Variants in ZSWIM8 observed in about 807,000 individuals in gnomAD.
The protein encoded by ZSWIM8 is zinc finger SWIM domain-containing protein 8.
ZSWIM8 carries 27 observed loss-of-function variants against 173.7 expected under a neutral mutation model. The observed-to-expected ratio is 0.16, with a 90% CI of 0.11 to 0.21. The LOEUF is 0.21. Among genes scored for constraint, ZSWIM8 ranks in the 10% least tolerant of loss-of-function variants. ZSWIM8 has a pLI of 1.00. For synonymous variants in ZSWIM8, 958 were observed against 962.0 expected (o/e 1.00, Z 0.08); for missense variants, 1,627 against 2,428.8 (o/e 0.67, Z 6.94).
rs767856815 is a variant in ZSWIM8 at position 73,797,255 on chromosome 10, TAAG to T, written c.3424_3426del (p.Lys1142del). 3.2e-5 allele frequency: 51 copies of T among 1,613,788 alleles called. No individual in the cohort carries two copies. Among genetic ancestry groups the T allele is most frequent in the Non-Finnish European group, 4.2e-5 (49 of 1,179,860 alleles). ...GGGGATGGGGGTCCCCAGGACGGCC[TAAG>T]AAGAAGCACACAGGTAGGATAGCCT... On this transcript the variant is annotated inframe_deletion, in exon 17 of 26. Coordinates refer to ENST00000604729, the MANE Select transcript of ZSWIM8 (RefSeq NM_001367799.1). This position sits in a 1 kb window ranked among gnomAD's most constrained non-coding sequence, Gnocchi z 5.6.
Position 73,791,994 on chromosome 10 carries a change from C to T in ZSWIM8, c.1455C>T (p.Asn485=). ...FRPAVEACYF[N]WEEAYPLPGV... ...CAGCGGTGGAGGCCTGCTACTTCAA[C>T]TGGGAAGAGGCCTACCCACTTCCTG... Residue 485 remains asparagine (N), a synonymous_variant, in exon 10 of 26, where the codon AAC becomes AAT. Transcript: ENST00000604729. This position sits in a 1 kb window ranked among gnomAD's most constrained non-coding sequence, Gnocchi z 6.0. 1 of 1,551,128 alleles carries T rather than the reference C, an allele frequency of 6.4e-7. No individual in the cohort carries two copies. Among genetic ancestry groups the T allele is most frequent in the Non-Finnish European group, 8.7e-7 (1 of 1,146,838 alleles).
chr10:73,795,890 T>TA (rs2083619878), intron 15 of ZSWIM8, among the ~76,000 whole-genome samples: 1 of 128,740 alleles, frequency 7.8e-6, no homozygotes, highest in Non-Finnish European at 1.6e-5. Context: ...TTGAACCCAG[T>TA]AGGCAGAGGT....
chr10:73,785,829 C>T lies in ZSWIM8; in HGVS notation c.-50C>T. ...TCCCCTCAACCCCCGGCCGGCGGCC[C>T]AGGCCCCGGATCCGCGGGGGGGGAC... is the stretch of plus-strand genomic sequence containing the variant. On this transcript the variant is annotated 5_prime_UTR_variant, in exon 1 of 26. Transcript: ENST00000604729. The T allele has an allele frequency of 6.8e-7, 1 of 1,462,504 alleles. No individual in the cohort carries two copies. The highest frequency in any genetic ancestry group is 9.0e-7 in the Non-Finnish European group (1 of 1,105,682). 90.6% of individuals were successfully genotyped at this position (1,462,504 alleles called of 1,614,324 possible). A position where few individuals can be genotyped will look rare whatever the true frequency, so the allele number is the denominator to read the frequency against.
chr10:73,799,749 G>A (rs2083839242), intron 21 of ZSWIM8: 1 of 632,610 alleles, frequency 1.6e-6, no homozygotes, highest in African/African-American at 1.8e-5. Context: ...TGGCCAACAT[G>A]GGGAAACCCC....
chr10:73,788,089 C>T (rs1303416161), intron 1 of ZSWIM8, among the ~76,000 whole-genome samples: 2 of 152,234 alleles, frequency 1.3e-5, no homozygotes, highest in East Asian at 1.9e-4. Flanking sequence ...CGATAACTCT[C>T]TCCCCTTGAG....
Position 73,797,283 on chromosome 10 carries a change from TG to T in ZSWIM8, c.3433+13del, listed in dbSNP as rs1157322529. The T allele has an allele frequency of 6.2e-7, 1 of 1,613,876 alleles. No homozygotes were observed. The highest frequency in any genetic ancestry group is 2.2e-5 in the East Asian group (1 of 44,888). ...GAAGAAGCACACAGGTAGGATAGCC[TG>T]TGGGCTAGCATAGAGGGAAGGATAA... On this transcript the variant is annotated intron_variant, in intron 17 of 25. Transcript: ENST00000604729. The surrounding 1 kb of genome is among the most constrained non-coding windows in gnomAD (Gnocchi z 5.6).
chr10:73,799,813 G>T (rs1455974728), intron 21 of ZSWIM8, 198 bp from the exon 22 acceptor site: 5 of 643,762 alleles, frequency 7.8e-6, no homozygotes, highest in Non-Finnish European at 1.3e-5. Flanking sequence ...TTCTTGGGAG[G>T]CTGAGATGGG....
rs760170667 is a variant in ZSWIM8 at position 73,789,159 on chromosome 10, C to T, written c.426C>T (p.Arg142=). ...TTCAGCGAGGGGATCAGCTCTTCCG[C>T]ATGCGGGCTGTGAAGGACCCATTGC... is the stretch of plus-strand genomic sequence containing the variant. ...DEFQRGDQLF[R]MRAVKDPLQI... Residue 142 remains arginine, a synonymous_variant, in exon 3 of 26, where the codon CGC becomes CGT. Coordinates refer to ENST00000604729, the MANE Select transcript of ZSWIM8 (RefSeq NM_001367799.1). The surrounding 1 kb of genome is among the most constrained non-coding windows in gnomAD (Gnocchi z 6.8). 88 of 1,613,924 alleles carry T rather than the reference C, an allele frequency of 5.5e-5. No homozygotes were observed. Among genetic ancestry groups the T allele is most frequent in the Non-Finnish European group, 7.4e-5 (87 of 1,179,892 alleles).
chr10:73,791,252 A>G lies in ZSWIM8; in HGVS notation c.1144-72A>G, dbSNP rs2083405005. 10 of 1,571,302 alleles carry G rather than the reference A, an allele frequency of 6.4e-6. No homozygotes were observed. The highest frequency in any genetic ancestry group is 1.2e-5 in the South Asian group (1 of 85,112). On this transcript the variant is annotated intron_variant, in intron 8 of 25. Coordinates refer to ENST00000604729, the MANE Select transcript of ZSWIM8 (RefSeq NM_001367799.1). The surrounding 1 kb of genome is among the most constrained non-coding windows in gnomAD (Gnocchi z 6.0). ...CCTGCCTCATCCTCCTCTTGCTGAA[A>G]TGGACTCTGGGAGGGCTACTCTGCC...
Position 73,785,989 on chromosome 10 carries a change from C to T in ZSWIM8, c.111C>T (p.Leu37=), listed in dbSNP as rs376392414. 1.9e-6 allele frequency: 3 copies of T among 1,602,446 alleles called. No individual in the cohort carries two copies. The highest frequency in any genetic ancestry group is 2.6e-6 in the Non-Finnish European group (3 of 1,174,712). Residue 37 remains leucine (L), a synonymous_variant, in exon 1 of 26, where the codon CTC becomes CTT. Transcript: ENST00000604729. ...LCSFISEAES[L]CQNWRGWRKQ... is the part of the protein sequence containing the mutation. ...CCTTCATCTCCGAGGCCGAGAGCCT[C>T]TGCCAGAACTGGCGGGGATGGCGCA...
chr10:73,788,298 T>C (rs762217341), intron 1 of ZSWIM8, among the ~76,000 whole-genome samples: 2 of 150,824 alleles, frequency 1.3e-5, no homozygotes, highest in African/African-American at 2.4e-5. Flanking sequence ...ACATTAACCA[T>C]GTAATTTGAA....
chr10:73,790,773 C>T (rs577803777), intron 7 of ZSWIM8, among the ~76,000 whole-genome samples: 18 of 152,124 alleles, frequency 1.2e-4, no homozygotes, highest in South Asian at 6.2e-4. Context: ...TGCTTGAACC[C>T]GGGAGGTGGA....
chr10:73,800,650 A>T lies in ZSWIM8; in HGVS notation c.5013A>T (p.Ala1671=). Reference sequence around the variant, plus strand: ...TTATCTATCTCCCAGGAATGCTGGCACTGGAGATGCTGGGTCGCCGGGCAC... The same window carrying T: ...TTATCTATCTCCCAGGAATGCTGGCTCTGGAGATGCTGGGTCGCCGGGCAC... The part of the protein sequence containing the change: ...LHAAYRVGML[A]LEMLGRRAHN... The change falls in exon 24 of 26, where the codon GCA becomes GCT. Residue 1671 remains alanine (A), a synonymous_variant. Coordinates refer to ENST00000604729, the MANE Select transcript of ZSWIM8 (RefSeq NM_001367799.1). The surrounding 1 kb of genome is among the most constrained non-coding windows in gnomAD (Gnocchi z 4.1). 6.2e-7 allele frequency: 1 copy of T among 1,613,650 alleles called. No individual in the cohort carries two copies. Among genetic ancestry groups the T allele is most frequent in the Non-Finnish European group, 8.5e-7 (1 of 1,179,728 alleles).
chr10:73,785,723 G>A lies in ZSWIM8; in HGVS notation c.-156G>A. 1.3e-6 allele frequency: 1 copy of A among 770,102 alleles called. No homozygotes were observed. Among genetic ancestry groups the A allele is most frequent in the Middle Eastern group, 2.3e-4 (1 of 4,320 alleles). 47.7% of individuals were successfully genotyped at this position (770,102 alleles called of 1,614,324 possible). On this transcript the variant is annotated 5_prime_UTR_variant, in exon 1 of 26. Transcript: ENST00000604729. ...GAGGCCCGGTCCCGTCTCTTTCCCA[G>A]GCCTGAGATTCTCGCCCGGCACGGC...
Position 73,801,667 on chromosome 10 carries a change from G to C in ZSWIM8, c.*148G>C. On this transcript the variant is annotated 3_prime_UTR_variant, in exon 26 of 26. Transcript: ENST00000604729. This position sits in a 1 kb window ranked among gnomAD's most constrained non-coding sequence, Gnocchi z 4.9. Reference sequence around the variant, plus strand: ...GACAGCTGCTCTTGGGCTATAGCTTGGGGCCAAGATGTCTCACACCCTAGA... The same window carrying C: ...GACAGCTGCTCTTGGGCTATAGCTTCGGGCCAAGATGTCTCACACCCTAGA... 6.5e-7 allele frequency: 1 copy of C among 1,535,254 alleles called. No individual in the cohort carries two copies. Among genetic ancestry groups the C allele is most frequent in the Non-Finnish European group, 8.7e-7 (1 of 1,146,648 alleles).
rs751421025 is a variant in ZSWIM8 at position 73,791,180 on chromosome 10, A to G, written c.1143+4A>G. 121 of 1,596,976 alleles carry G rather than the reference A, an allele frequency of 7.6e-5. No individual in the cohort carries two copies. The highest frequency in any genetic ancestry group is 1.0e-4 in the Non-Finnish European group (119 of 1,167,848). Reference sequence around the variant, plus strand: ...CCAGTGCCTCACCTATGAACAGGTAATCACTCAGCGTTGGGGAGCCCCGTG... The same window carrying G: ...CCAGTGCCTCACCTATGAACAGGTAGTCACTCAGCGTTGGGGAGCCCCGTG... On this transcript the variant is annotated splice_donor_region_variant and intron_variant, in intron 8 of 25. Coordinates refer to ENST00000604729, the MANE Select transcript of ZSWIM8 (RefSeq NM_001367799.1). This position sits in a 1 kb window ranked among gnomAD's most constrained non-coding sequence, Gnocchi z 6.0.
intron 14 of ZSWIM8, 23 bp from the exon 15 acceptor site, chr10:73,795,516 C>G: frequency 6.2e-7 from 1 of 1,613,318 alleles, no homozygotes; most frequent in South Asian, 1.1e-5. Context: ...CTCTCAATCC[C>G]CATAAGGTCC....
In ZSWIM8 at chr10:73,786,109, A is replaced by G. The variant is rs757286170; in HGVS notation, c.208+23A>G. Reference sequence around the variant, plus strand: ...GAGGTGAGAGTGAGCTGGGGGGAAGAGGAGCGGCAGGCCCTGCTTGGGCCT... The same window carrying G: ...GAGGTGAGAGTGAGCTGGGGGGAAGGGGAGCGGCAGGCCCTGCTTGGGCCT... On this transcript the variant is annotated intron_variant, in intron 1 of 25. Transcript: ENST00000604729. 3 of 1,525,582 alleles carry G rather than the reference A, an allele frequency of 2.0e-6. No individual in the cohort carries two copies. The East Asian group carries it at 7.7e-5, about 39-fold the overall frequency. The allele number at this position is 1,525,582 out of a possible 1,614,324, so 94.5% of individuals were successfully genotyped here.
chr10:73,799,219 G>T lies in ZSWIM8; in HGVS notation c.4394G>T (p.Arg1465Ile). Residue 1465 changes from arginine to isoleucine, a missense_variant, in exon 21 of 26, where the codon AGA becomes ATA. Arg to Ile is a moderately conservative substitution (Grantham distance 97, BLOSUM62 -3). Around this residue, in one of 18 missense-constraint regions of ZSWIM8, gnomAD observed 275 missense variants for 290.1 expected, o/e 0.95. Transcript: ENST00000604729. ...GCTGGGCGGGGTATGCCTGAGGGTA[G>T]AGGGGGCCCAGGGACTGAGCCGGTT... ...GEAGRGMPEGRGGPGTEPVTV... is the reference protein window; with the variant it reads ...GEAGRGMPEGIGGPGTEPVTV... The T allele has an allele frequency of 6.2e-7, 1 of 1,606,526 alleles. No homozygotes were observed. Among genetic ancestry groups the T allele is most frequent in the East Asian group, 2.2e-5 (1 of 44,570 alleles).
Sources: allele counts gnomAD v4.1 joint callset (sites outside exome capture counted in the v4.1 genomes callset), GRCh38; gene constraint gnomAD v4.1.1; regional missense constraint gnomAD v4.1.1; non-coding constraint Gnocchi (gnomAD v3.1); transcripts MANE v1.5; gene names NCBI Gene and HGNC (gene_info 2026-07-23, HGNC 2026-07-21).